Variants in FBXO3 observed in about 807,000 individuals in gnomAD.
The protein encoded by FBXO3 is F-box only protein 3.
In FBXO3, 17 loss-of-function variants were observed where a neutral mutation model predicts 64.8. The ratio of observed to expected loss-of-function variants is 0.26; its 90% CI spans 0.18 to 0.39. The LOEUF (loss-of-function observed/expected upper bound fraction) is 0.39. Among genes scored for constraint, FBXO3 ranks in the 10% least tolerant of loss-of-function variants. The pLI, the probability that FBXO3 is intolerant of heterozygous loss-of-function variation, is 1.00. For missense variants in FBXO3, 420 were observed against 589.9 expected (o/e 0.71, Z 2.98); for synonymous variants, 182 against 201.6 (o/e 0.90, Z 0.82).
At chr11:33,761,369 A>G (rs1209648067) in intron 3 of FBXO3, among the ~76,000 whole-genome samples, 1 of 152,224 alleles carries the variant, frequency 6.6e-6, no homozygotes, top group East Asian at 1.9e-4. Context: ...GTAAATACAG[A>G]AAACAAAGCT....
intron 10 of FBXO3, 39 bp downstream of exon 10, chr11:33,747,091 A>G: frequency 6.2e-7 from 1 of 1,606,878 alleles, no homozygotes; most frequent in Non-Finnish European, 8.5e-7. Flanking sequence ...TAACCCTACA[A>G]AGTCATGTAA....
At chr11:33,751,691 G>A (rs1854963794) in intron 6 of FBXO3, 84 bp from the exon 7 acceptor site, 1 of 705,226 alleles carries the variant, frequency 1.4e-6, no homozygotes, top group Non-Finnish European at 2.3e-6. Flanking sequence ...ATTCCTCTAT[G>A]CTTTAGAATG....
intron 3 of FBXO3, among the ~76,000 whole-genome samples, chr11:33,765,521 G>A (rs978316148): frequency 6.6e-6 from 1 of 152,172 alleles, no homozygotes; most frequent in African/African-American, 2.4e-5. Context: ...TTACAATACA[G>A]TAAAATCAAG....
intron 9 of FBXO3, 32 bp from the exon 10 acceptor site, chr11:33,747,352 T>C: frequency 2.6e-6 from 4 of 1,535,944 alleles, no homozygotes; most frequent in Non-Finnish European, 3.6e-6. Context: ...TAAACCAAAG[T>C]ATAAAATTCA....
At chr11:33,760,497 A>T (rs1007876427) in intron 3 of FBXO3, among the ~76,000 whole-genome samples, 4 of 151,980 alleles carry the variant, frequency 2.6e-5, no homozygotes, top group Admixed American at 6.6e-5. Context: ...AACCTTAAAA[A>T]TTAGCCAGGG....
In FBXO3 at chr11:33,754,512, A is replaced by G; in HGVS notation, c.679-12T>C. ...CGAGCCATTTGGTCCTAGGTGAGAAAAAGAATACAATCGATAAAAACACAT... is the reference window on the plus strand; with the variant it reads ...CGAGCCATTTGGTCCTAGGTGAGAAGAAGAATACAATCGATAAAAACACAT... On this transcript the variant is annotated splice_polypyrimidine_tract_variant and intron_variant, in intron 5 of 10. Transcript: ENST00000265651. The G allele has an allele frequency of 6.4e-7, 1 of 1,565,920 alleles. No individual in the cohort carries two copies. Among genetic ancestry groups the G allele is most frequent in the Non-Finnish European group, 8.7e-7 (1 of 1,155,958 alleles).
chr11:33,762,008 A>C (rs1855255764), intron 3 of FBXO3, among the ~76,000 whole-genome samples: 1 of 152,248 alleles, frequency 6.6e-6, no homozygotes, highest in Admixed American at 6.5e-5. Context: ...ATTAACTCAA[A>C]TTCAACTAAT....
Position 33,751,510 on chromosome 11 carries a change from CA to C in FBXO3, c.809+12del. 6.4e-7 allele frequency: 1 copy of C among 1,558,442 alleles called. No individual in the cohort carries two copies. Among genetic ancestry groups the C allele is most frequent in the Non-Finnish European group, 8.8e-7 (1 of 1,139,608 alleles). On this transcript the variant is annotated intron_variant, in intron 7 of 10. Transcript: ENST00000265651. ...ACAATCATTTCAATCCAAAAAGACC[CA>C]AAATAAAATACCTGAAAATTTGGTC...
At chr11:33,761,341 T>C (rs565425239) in intron 3 of FBXO3, among the ~76,000 whole-genome samples, 57 of 152,210 alleles carry the variant, frequency 3.7e-4, no homozygotes, top group Admixed American at 7.8e-4. Context: ...AAAAATTATA[T>C]ACAAGACACA....
intron 1 of FBXO3, 124 bp downstream of exon 1, chr11:33,774,270 C>G (rs921195819): frequency 2.4e-6 from 2 of 840,564 alleles, no homozygotes; most frequent in Non-Finnish European, 3.7e-6. Flanking sequence ...TGAGGGCGGC[C>G]CTGGCGTCAC....
chr11:33,746,380 C>T lies in FBXO3; in HGVS notation c.1239+750G>A, dbSNP rs1590561404. 4 of 363,256 alleles carry T rather than the reference C, an allele frequency of 1.1e-5. No homozygotes were observed. The East Asian group carries it at 1.6e-4, about 15-fold the overall frequency. The allele number at this position is 363,256 out of a possible 1,614,324, so 22.5% of individuals were successfully genotyped here. On this transcript the variant is annotated intron_variant, in intron 10 of 10. Transcript: ENST00000265651. ...CCACACAGGTAATGGCCCAAAGTCT[C>T]ATTATCATCCTTCTCTTTTCAAACT... is the stretch of plus-strand genomic sequence containing the variant.
At chr11:33,752,581 A>C (rs1423098517) in intron 6 of FBXO3, among the ~76,000 whole-genome samples, 1 of 152,194 alleles carries the variant, frequency 6.6e-6, no homozygotes, top group Admixed American at 6.5e-5. Flanking sequence ...AAAAGGCATC[A>C]ACTGAGAGAA....
At chr11:33,744,944 C>A (rs998376308) in intron 10 of FBXO3, 1 of 152,050 alleles carries the variant, frequency 6.6e-6, no homozygotes, top group African/African-American at 2.4e-5. Context: ...AAGTTGACAA[C>A]CACCGTCCTT....
chr11:33,751,187 G>A (rs1031598849), intron 7 of FBXO3, among the ~76,000 whole-genome samples: 5 of 152,082 alleles, frequency 3.3e-5, no homozygotes, highest in South Asian at 2.1e-4. Context: ...AACAGTTACC[G>A]ACTTGCTATT....
At chr11:33,774,328 T>G in intron 1 of FBXO3, 66 bp downstream of exon 1, 1 of 1,117,390 alleles carries the variant, frequency 8.9e-7, no homozygotes, top group Non-Finnish European at 1.3e-6. Flanking sequence ...CCCGACCCCC[T>G]TTCCCCCTGC....
chr11:33,748,677 G>T, intron 9 of FBXO3, 100 bp downstream of exon 9: 1 of 624,708 alleles, frequency 1.6e-6, no homozygotes, highest in Non-Finnish European at 2.7e-6. Flanking sequence ...TAAATTAATA[G>T]GATAACGACC....
intron 2 of FBXO3, among the ~76,000 whole-genome samples, chr11:33,769,466 T>C (rs749220896): frequency 4.6e-5 from 7 of 152,204 alleles, no homozygotes; most frequent in Non-Finnish European, 1.0e-4. Context: ...TGATTCAACA[T>C]TCCTATTTGG....
At position 33,758,208 on chromosome 11, in the gene FBXO3, G is replaced by A. The variant is rs74851288; in HGVS notation, c.473+279C>T. On this transcript the variant is annotated intron_variant, in intron 4 of 10. Transcript: ENST00000265651. ...CTGAAGAATTTGGTTAAAATATATCGCACATACCTTTACTGTATGTCCCAT... is the reference window on the plus strand; with the variant it reads ...CTGAAGAATTTGGTTAAAATATATCACACATACCTTTACTGTATGTCCCAT... 1.8e-3 allele frequency among the ~76,000 whole-genome samples: 268 copies of A among 152,022 alleles called. 1 individual carries two copies. The highest frequency in any genetic ancestry group is 6.3e-3 in the African/African-American group (260 of 41,448).
Position 33,741,690 on chromosome 11 carries a change from GA to G in FBXO3, c.*217del, listed in dbSNP as rs966676823. The G allele has an allele frequency of 5.0e-5, 19 of 379,786 alleles. No individual in the cohort carries two copies. The highest frequency in any genetic ancestry group is 1.6e-4 in the East Asian group (4 of 24,912). 23.5% of individuals were successfully genotyped at this position (379,786 alleles called of 1,614,324 possible). A position where few individuals can be genotyped will look rare whatever the true frequency, so the allele number is the denominator to read the frequency against. Reference sequence around the variant, plus strand: ...TATTCTTCCACTGACTCCTGGAAGAGAAAAAAAAGATTCCCATTTCTTCCTC... The same window carrying G: ...TATTCTTCCACTGACTCCTGGAAGAGAAAAAAAGATTCCCATTTCTTCCTC... On this transcript the variant is annotated 3_prime_UTR_variant, in exon 11 of 11. Coordinates refer to ENST00000265651, the MANE Select transcript of FBXO3 (RefSeq NM_012175.4).
Sources: gnomAD v4.1 joint callset for allele counts (sites outside exome capture counted in the v4.1 genomes callset) on GRCh38, gnomAD v4.1.1 for gene constraint, MANE v1.5 for transcripts, NCBI Gene and HGNC (gene_info 2026-07-23, HGNC 2026-07-21) for gene names.